The following ZFHX3 variants were observed in gnomAD, a reference collection of about 807,000 sequenced individuals.
ZFHX3 encodes the protein zinc finger homeobox protein 3.
A neutral mutation model predicts 279.1 loss-of-function variants in ZFHX3; 42 were observed. That is an observed-to-expected ratio of 0.15 (90% CI 0.12 to 0.19). ZFHX3 has a LOEUF of 0.19. Among genes scored for constraint, ZFHX3 ranks in the 10% least tolerant of loss-of-function variants. The pLI, the probability that ZFHX3 is intolerant of heterozygous loss-of-function variation, is 1.00. For synonymous variants in ZFHX3, 2,293 were observed against 1,957.8 expected, an observed-to-expected ratio of 1.17 and a Z score of -4.52; for missense variants, 4,981 against 4,754.0, an observed-to-expected ratio of 1.05 and a Z score of -1.40.
At chr16:73,500,040 G>T (rs779653378) in intron 2 of ZFHX3, 1 of 152,168 alleles carries the variant, frequency 6.6e-6, no homozygotes, top group Admixed American at 6.5e-5. Flanking sequence ...ACTGATTTAC[G>T]TATTTACTAT....
At chr16:73,723,440 T>G (rs971485434) in intron 1 of ZFHX3, among the ~76,000 whole-genome samples, 6 of 152,218 alleles carry the variant, frequency 3.9e-5, no homozygotes, top group Non-Finnish European at 8.8e-5. Context: ...TGCTCTGCGA[T>G]TAAAACGTGT....
chr16:73,017,543 T>C lies in ZFHX3; in HGVS notation c.-50+30209A>G, dbSNP rs533277291. On this transcript the variant is annotated intron_variant, in intron 1 of 9. Transcript: ENST00000268489. The stretch of plus-strand genomic sequence containing the variant: ...CTCACCTGGGCTCCCCACCAATGTC[T>C]TGGCTGCCGTCACGACTAAATAATG... 7.9e-5 allele frequency among the ~76,000 whole-genome samples: 12 copies of C among 152,314 alleles called. No homozygotes were observed. The South Asian group carries it at 1.7e-3, about 21-fold the overall frequency.
intron 2 of ZFHX3, among the ~76,000 whole-genome samples, chr16:73,618,450 T>C (rs1270484614): frequency 1.3e-5 from 2 of 152,232 alleles, no homozygotes; most frequent in African/African-American, 2.4e-5. Context: ...TCATTCTCTA[T>C]CTGCAGATGA....
intron 7 of ZFHX3, among the ~76,000 whole-genome samples, chr16:73,104,643 A>G (rs1334602314): frequency 6.6e-6 from 1 of 152,176 alleles, no homozygotes; most frequent in Non-Finnish European, 1.5e-5. Flanking sequence ...TTCATAGTTC[A>G]CAGGCTTAGC....
At chr16:73,796,927 T>A (rs1407657826) in intron 1 of ZFHX3, among the ~76,000 whole-genome samples, 3 of 151,904 alleles carry the variant, frequency 2.0e-5, no homozygotes, top group Admixed American at 2.0e-4. Flanking sequence ...GAAGGCTGAG[T>A]GCAGTGGCTC....
At position 73,275,615 on chromosome 16, in the gene ZFHX3, A is replaced by G. The variant is rs118119277; in HGVS notation, c.-1193-18479T>C. Reference sequence around the variant, plus strand: ...GTAGCACAATAAAGTGAGTCACACAATCTTTTTGGTTTTCCACTGCATAGA... The same window carrying G: ...GTAGCACAATAAAGTGAGTCACACAGTCTTTTTGGTTTTCCACTGCATAGA... On this transcript the variant is annotated intron_variant, in intron 4 of 17. Coordinates refer to the ZFHX3 transcript ENST00000641206. 5.4e-3 allele frequency among the ~76,000 whole-genome samples: 830 copies of G among 152,318 alleles called. 4 individuals are homozygous for G. Among genetic ancestry groups the G allele is most frequent in the Non-Finnish European group, 7.3e-3 (496 of 68,034 alleles).
intron 1 of ZFHX3, among the ~76,000 whole-genome samples, chr16:73,027,593 C>T (rs560620688): frequency 5.3e-5 from 8 of 152,272 alleles, no homozygotes; most frequent in Admixed American, 1.3e-4. Context: ...AAGGCATTTC[C>T]GAAAGCAGCA....
chr16:73,653,630 C>G (rs1423509298), intron 2 of ZFHX3, among the ~76,000 whole-genome samples: 1 of 151,958 alleles, frequency 6.6e-6, no homozygotes, highest in African/African-American at 2.4e-5. Flanking sequence ...TTATGAAGGG[C>G]AATGACTACT....
chr16:73,206,524 G>C (rs1364360722), intron 5 of ZFHX3, among the ~76,000 whole-genome samples: 1 of 152,132 alleles, frequency 6.6e-6, no homozygotes, highest in Non-Finnish European at 1.5e-5. Context: ...CCAGAGCTTG[G>C]TTACATCATA....
chr16:73,181,708 T>G (rs987578108), intron 5 of ZFHX3, among the ~76,000 whole-genome samples: 2 of 151,706 alleles, frequency 1.3e-5, no homozygotes, highest in African/African-American at 4.8e-5. Flanking sequence ...GATTGGGAGG[T>G]GGGAGATGAT....
chr16:72,893,764 C>T (rs1597354088), intron 3 of ZFHX3, among the ~76,000 whole-genome samples: 2 of 152,172 alleles, frequency 1.3e-5, no homozygotes, highest in African/African-American at 4.8e-5. Flanking sequence ...CCAGTGAACA[C>T]CTAGGGTTCT....
chr16:73,645,415 C>G (rs1032858373), intron 2 of ZFHX3, among the ~76,000 whole-genome samples: 2 of 152,152 alleles, frequency 1.3e-5, no homozygotes, highest in Non-Finnish European at 2.9e-5. Flanking sequence ...CGCCGCCACA[C>G]CCGGCTAATT....
chr16:72,866,583 A>T (rs2038029631), intron 4 of ZFHX3, among the ~76,000 whole-genome samples: 1 of 152,226 alleles, frequency 6.6e-6, no homozygotes, highest in Non-Finnish European at 1.5e-5. Context: ...CTCCTATGTG[A>T]CTTATAAAAG....
At chr16:72,947,733 G>A (rs1258017392) in intron 3 of ZFHX3, among the ~76,000 whole-genome samples, 2 of 152,164 alleles carry the variant, frequency 1.3e-5, no homozygotes, top group East Asian at 1.9e-4. Flanking sequence ...GGGTGAGGAA[G>A]GAGGGTTGTG....
chr16:73,112,760 G>A (rs8060644), intron 7 of ZFHX3, among the ~76,000 whole-genome samples: 119,000 of 145,562 alleles, frequency 0.82, 48,905 homozygotes, highest in Middle Eastern at 0.89. Flanking sequence ...CTTTCCCCCA[G>A]TAGACTGAGA....
chr16:73,173,865 G>A (rs1967597224), intron 5 of ZFHX3, among the ~76,000 whole-genome samples: 1 of 152,196 alleles, frequency 6.6e-6, no homozygotes, highest in Admixed American at 6.5e-5. Flanking sequence ...GGAATAAAAT[G>A]CTCTCCCATA....
intron 8 of ZFHX3, among the ~76,000 whole-genome samples, chr16:72,799,062 G>T (rs1233854371): frequency 6.6e-6 from 1 of 152,192 alleles, no homozygotes; most frequent in African/African-American, 2.4e-5. Context: ...TGGTTTGAAG[G>T]TTACTGATCT....
intron 5 of ZFHX3, among the ~76,000 whole-genome samples, chr16:73,227,848 CAAAAAA>C (rs398029895): frequency 6.5e-5 from 3 of 46,042 alleles, no homozygotes; most frequent in African/African-American, 1.1e-4. Flanking sequence ...GATTCTGTCT[CAAAAAA>C]AAAAAAAAAA....
chr16:73,229,692 C>T (rs778630542), intron 5 of ZFHX3, among the ~76,000 whole-genome samples: 5 of 152,000 alleles, frequency 3.3e-5, no homozygotes, highest in Non-Finnish European at 7.4e-5. Flanking sequence ...AGGAAAATAT[C>T]GCAGAAATAA....
Sources: gnomAD v4.1 joint callset for allele counts (sites outside exome capture counted in the v4.1 genomes callset) on GRCh38, gnomAD v4.1.1 for gene constraint, MANE v1.5 for transcripts, NCBI Gene and HGNC (gene_info 2026-07-23, HGNC 2026-07-21) for gene names.